RAPGEF6: variants seen among roughly 807,000 people sequenced by gnomAD.
RAPGEF6 encodes the protein Rap guanine nucleotide exchange factor 6, also known as PDZ domain containing guanine nucleotide exchange factor (GEF) 2.
A neutral mutation model predicts 171.4 loss-of-function variants in RAPGEF6; 56 were observed. That is an observed-to-expected ratio of 0.33 (90% CI 0.26 to 0.41). The LOEUF is 0.41. Among genes scored for constraint, RAPGEF6 ranks in the 10% least tolerant of loss-of-function variants. The pLI, the probability that RAPGEF6 is intolerant of heterozygous loss-of-function variation, is 1.00. For synonymous variants in RAPGEF6, 692 were observed against 650.1 expected, an observed-to-expected ratio of 1.06 and a Z score of -0.98; for missense variants, 1,674 against 1,921.4, an observed-to-expected ratio of 0.87 and a Z score of 2.41.
intron 4 of RAPGEF6, among the ~76,000 whole-genome samples, chr5:131,562,358 G>A (rs560184500): frequency 3.3e-5 from 5 of 151,920 alleles, no homozygotes; most frequent in East Asian, 1.9e-4. Context: ...GTCAATATAC[G>A]TTGCACAAAG....
In RAPGEF6 at chr5:131,479,493, C is replaced by T; in HGVS notation, c.2081+20G>A. ...AGTGAAGATGAAAATTCCTGCATAG[C>T]TAAGATCGGCATTACCTACCTAAAT... On this transcript the variant is annotated intron_variant, in intron 16 of 27. Transcript: ENST00000509018. 6.2e-7 allele frequency: 1 copy of T among 1,611,808 alleles called. No individual in the cohort carries two copies. Among genetic ancestry groups the T allele is most frequent in the Non-Finnish European group, 8.5e-7 (1 of 1,178,488 alleles).
intron 6 of RAPGEF6, among the ~76,000 whole-genome samples, chr5:131,541,103 A>AT (rs1382849874): frequency 6.6e-6 from 1 of 152,226 alleles, no homozygotes; most frequent in Non-Finnish European, 1.5e-5. Context: ...TGTTAATTCC[A>AT]TTTTTTGTTA....
intron 1 of RAPGEF6, among the ~76,000 whole-genome samples, chr5:131,609,630 T>C (rs1488312511): frequency 6.6e-6 from 1 of 152,218 alleles, no homozygotes; most frequent in Admixed American, 6.5e-5. Flanking sequence ...TAGCTACTGC[T>C]ACTTCTGAAT....
At chr5:131,480,552 C>G (rs1015066610) in intron 15 of RAPGEF6, among the ~76,000 whole-genome samples, 42 of 152,290 alleles carry the variant, frequency 2.8e-4, no homozygotes, top group African/African-American at 1.0e-3. Flanking sequence ...AATCTCAGCT[C>G]ACTGCAACCT....
At chr5:131,590,390 C>T (rs1218201587) in intron 4 of RAPGEF6, among the ~76,000 whole-genome samples, 1 of 152,108 alleles carries the variant, frequency 6.6e-6, no homozygotes, top group Non-Finnish European at 1.5e-5. Context: ...GCGACTCTGT[C>T]TCAAATTTAA....
intron 3 of RAPGEF6, among the ~76,000 whole-genome samples, chr5:131,599,215 T>A (rs1242998261): frequency 1.3e-5 from 2 of 152,116 alleles, no homozygotes; most frequent in Non-Finnish European, 2.9e-5. Flanking sequence ...TGGTCCCAGC[T>A]ACTCGGGAGG....
chr5:131,601,784 A>G (rs549161474), intron 3 of RAPGEF6, among the ~76,000 whole-genome samples: 5 of 152,334 alleles, frequency 3.3e-5, no homozygotes, highest in Non-Finnish European at 4.4e-5. Flanking sequence ...CTGTAATCAT[A>G]GCACCTTGGG....
chr5:131,480,252 C>T (rs992432655), intron 15 of RAPGEF6, among the ~76,000 whole-genome samples: 3 of 152,058 alleles, frequency 2.0e-5, no homozygotes, highest in African/African-American at 4.8e-5. Flanking sequence ...CAAAAACCTG[C>T]GTATGGCTCT....
intron 17 of RAPGEF6, chr5:131,469,850 A>G: frequency 2.6e-6 from 4 of 1,510,568 alleles, no homozygotes; most frequent in Non-Finnish European, 2.7e-6. Flanking sequence ...AATCAAAGTA[A>G]GCAATCAAAA....
At chr5:131,433,731 G>GAAA in intron 24 of RAPGEF6, 73 bp from the exon 25 acceptor site, 4 of 841,492 alleles carry the variant, frequency 4.8e-6, no homozygotes, top group African/African-American at 1.8e-5. Flanking sequence ...GGGAAAGGAT[G>GAAA]AAAAAAAAAA....
chr5:131,467,123 G>A (rs1345936383), intron 17 of RAPGEF6, among the ~76,000 whole-genome samples: 1 of 152,188 alleles, frequency 6.6e-6, no homozygotes, highest in African/African-American at 2.4e-5. Flanking sequence ...CAAAGACAGG[G>A]TGGGAATTTG....
intron 6 of RAPGEF6, among the ~76,000 whole-genome samples, chr5:131,539,698 T>C (rs1022100845): frequency 2.0e-5 from 3 of 152,226 alleles, no homozygotes; most frequent in Non-Finnish European, 4.4e-5. Flanking sequence ...TGGTAAGTGA[T>C]GTGGTGTCCT....
intron 1 of RAPGEF6, among the ~76,000 whole-genome samples, chr5:131,624,529 T>C (rs1011323680): frequency 1.3e-5 from 2 of 152,178 alleles, no homozygotes; most frequent in African/African-American, 4.8e-5. Context: ...CATGGTGGTA[T>C]ACACCTGTAC....
chr5:131,625,615 A>C (rs1015364318), intron 1 of RAPGEF6, among the ~76,000 whole-genome samples: 10 of 152,124 alleles, frequency 6.6e-5, no homozygotes, highest in African/African-American at 2.4e-4. Flanking sequence ...GGAGATCGAG[A>C]CCATCCTGGC....
At chr5:131,507,498 C>T (rs967485490) in intron 9 of RAPGEF6, among the ~76,000 whole-genome samples, 4 of 152,070 alleles carry the variant, frequency 2.6e-5, no homozygotes, top group Non-Finnish European at 5.9e-5. Flanking sequence ...TAATGAAGCA[C>T]TTCCTGATGG....
intron 25 of RAPGEF6, among the ~76,000 whole-genome samples, chr5:131,433,103 A>C (rs1027661441): frequency 1.3e-5 from 2 of 152,154 alleles, no homozygotes; most frequent in African/African-American, 2.4e-5. Flanking sequence ...TCCAAAACAC[A>C]ACCTTTTTGA....
chr5:131,554,747 T>C (rs927577002), intron 5 of RAPGEF6, among the ~76,000 whole-genome samples: 1 of 151,950 alleles, frequency 6.6e-6, no homozygotes, highest in African/African-American at 2.4e-5. Context: ...GCACTCCTGA[T>C]CTCAGGTGAT....
At chr5:131,475,693 C>T (rs1373708897) in intron 16 of RAPGEF6, among the ~76,000 whole-genome samples, 1 of 152,158 alleles carries the variant, frequency 6.6e-6, no homozygotes, top group African/African-American at 2.4e-5. Flanking sequence ...ACCATACTTC[C>T]GTCTTAACTT....
chr5:131,573,855 T>G (rs191323121), intron 4 of RAPGEF6, among the ~76,000 whole-genome samples: 1 of 152,276 alleles, frequency 6.6e-6, no homozygotes, highest in East Asian at 1.9e-4. Context: ...GGCCACCTTA[T>G]CCTTAATATG....
Sources: allele counts gnomAD v4.1 joint callset (sites outside exome capture counted in the v4.1 genomes callset), GRCh38; gene constraint gnomAD v4.1.1; transcripts MANE v1.5; gene names NCBI Gene and HGNC (gene_info 2026-07-23, HGNC 2026-07-21).